The following SLC22A9 variants were observed in gnomAD, a reference collection of about 807,000 sequenced individuals.
SLC22A9 encodes the protein organic anion transporter 7.
In SLC22A9, 64 loss-of-function variants were observed where a neutral mutation model predicts 50.1. That is an observed-to-expected ratio of 1.28 (90% CI 1.04 to 1.57). SLC22A9 has a LOEUF of 1.57. Among genes scored for constraint, SLC22A9 ranks in the 40% most tolerant of loss-of-function variants. The pLI is 0.00. For missense variants in SLC22A9, 757 were observed against 676.1 expected (o/e 1.12, Z -1.33); for synonymous variants, 261 against 242.5 (o/e 1.08, Z -0.71).
intron 6 of SLC22A9, among the ~76,000 whole-genome samples, chr11:63,406,193 T>A (rs528486323): frequency 6.6e-6 from 1 of 152,320 alleles, no homozygotes; most frequent in Non-Finnish European, 1.5e-5. Flanking sequence ...AAAGATACCT[T>A]TGAAAAGTCT....
chr11:63,388,757 T>A (rs2014712016), intron 6 of SLC22A9, among the ~76,000 whole-genome samples: 1 of 152,074 alleles, frequency 6.6e-6, no homozygotes, highest in African/African-American at 2.4e-5. Flanking sequence ...ATGGCATTAG[T>A]TCTTCCTTAA....
intron 1 of SLC22A9, 111 bp downstream of exon 1, chr11:63,370,569 C>G: frequency 8.0e-7 from 1 of 1,256,372 alleles, no homozygotes. Flanking sequence ...AGTCTTCATT[C>G]TTTCAGCAAA....
chr11:63,379,904 G>A (rs151294667), intron 5 of SLC22A9, among the ~76,000 whole-genome samples: 257 of 152,154 alleles, frequency 1.7e-3, no homozygotes, highest in Non-Finnish European at 3.3e-3. Context: ...ACTAATTTTT[G>A]TATTTTTAGT....
chr11:63,378,468 C>A (rs1048288345), intron 5 of SLC22A9, among the ~76,000 whole-genome samples: 1 of 152,010 alleles, frequency 6.6e-6, no homozygotes, highest in Non-Finnish European at 1.5e-5. Flanking sequence ...CCAGGCAAGA[C>A]AAGGATGTCC....
chr11:63,408,574 G>A (rs2015080319), intron 8 of SLC22A9, 102 bp from the exon 9 acceptor site: 1 of 1,038,472 alleles, frequency 9.6e-7, no homozygotes, highest in Non-Finnish European at 1.4e-6. Context: ...CATCACCTCT[G>A]TGTGTCTAAA....
intron 5 of SLC22A9, among the ~76,000 whole-genome samples, chr11:63,379,724 TTTTTG>T (rs770506150): frequency 2.4e-4 from 36 of 152,154 alleles, no homozygotes; most frequent in Middle Eastern, 3.4e-3. Context: ...CAAACAGTTG[TTTTTG>T]TTTTGTTTTG....
chr11:63,373,772 G>C lies in SLC22A9; in HGVS notation c.635G>C (p.Ser212Thr), dbSNP rs1404170078. 1 of 1,612,026 alleles carries C rather than the reference G, an allele frequency of 6.2e-7. No homozygotes were observed. Among genetic ancestry groups the C allele is most frequent in the Non-Finnish European group, 8.5e-7 (1 of 1,179,102 alleles). The change falls in exon 3 of 10, where the codon AGC (serine) becomes ACC (threonine). Residue 212 changes from serine to threonine, a missense_variant. By Grantham distance (58) the Ser-to-Thr change is moderately conservative (BLOSUM62 1). Coordinates refer to ENST00000279178, the MANE Select transcript of SLC22A9 (RefSeq NM_080866.3). ...LRFLSGIAAM[S>T]LITNTIMLIA... is the part of the protein sequence containing the mutation. ...TTCTTGTCTGGGATTGCTGCAATGAGCCTCATAACAAATACTATTATGTTA... is the reference window on the plus strand; with the variant it reads ...TTCTTGTCTGGGATTGCTGCAATGACCCTCATAACAAATACTATTATGTTA...
intron 6 of SLC22A9, among the ~76,000 whole-genome samples, chr11:63,399,310 C>T (rs1338084266): frequency 1.3e-5 from 2 of 152,100 alleles, no homozygotes; most frequent in Non-Finnish European, 2.9e-5. Context: ...AAGTAATGTA[C>T]TTCACCTGTA....
At chr11:63,378,727 C>T (rs550991741) in intron 5 of SLC22A9, among the ~76,000 whole-genome samples, 3 of 152,150 alleles carry the variant, frequency 2.0e-5, no homozygotes, top group South Asian at 2.1e-4. Flanking sequence ...ACGCTGACAT[C>T]GTTAAAGCTG....
At chr11:63,406,009 A>G (rs2015029947) in intron 6 of SLC22A9, among the ~76,000 whole-genome samples, 1 of 152,198 alleles carries the variant, frequency 6.6e-6, no homozygotes, top group Admixed American at 6.5e-5. Flanking sequence ...CACTTACTTT[A>G]GCTTTGAGAG....
chr11:63,370,842 G>A (rs950622369), intron 1 of SLC22A9, among the ~76,000 whole-genome samples: 31 of 152,202 alleles, frequency 2.0e-4, no homozygotes, highest in East Asian at 1.5e-3. Context: ...GGTCTAAGAG[G>A]GAAATTTAGG....
Position 63,407,973 on chromosome 11 carries a change from T to G in SLC22A9, c.1289-139T>G, listed in dbSNP as rs371856368. 1,966 of 602,712 alleles carry G rather than the reference T, an allele frequency of 3.3e-3. 59 individuals carry two copies. In the South Asian group the frequency reaches 0.042, roughly 13 times the overall value. 37.3% of individuals were successfully genotyped at this position (602,712 alleles called of 1,614,324 possible). ...TTCTCAGCTATCAGCCACTGCACAT[T>G]CTTTGCCTCTATGCAGTTTCCCTAC... On this transcript the variant is annotated intron_variant, in intron 7 of 9. Coordinates refer to ENST00000279178, the MANE Select transcript of SLC22A9 (RefSeq NM_080866.3).
chr11:63,373,298 T>TGGG (rs2014397913), intron 2 of SLC22A9, among the ~76,000 whole-genome samples: 1 of 152,098 alleles, frequency 6.6e-6, no homozygotes, highest in Non-Finnish European at 1.5e-5. Context: ...TCTACTATGC[T>TGGG]AAAGTACATG....
intron 6 of SLC22A9, among the ~76,000 whole-genome samples, chr11:63,384,049 GAAAA>G (rs58436264): frequency 2.8e-3 from 378 of 132,898 alleles, no homozygotes; most frequent in Admixed American, 6.3e-3. Flanking sequence ...CTCCATCTAA[GAAAA>G]AAAAAAAAAA....
rs1218759682 is a variant in SLC22A9 at position 63,375,631 on chromosome 11, T to C, written c.831-14T>C. The C allele has an allele frequency of 6.2e-7, 1 of 1,610,280 alleles. No individual in the cohort carries two copies. Among genetic ancestry groups the C allele is most frequent in the Non-Finnish European group, 8.5e-7 (1 of 1,178,012 alleles). ...GTGAAAGTCGACTGCCCCTCTGTTC[T>C]CTTCCTTGGTCAGTTGGCTGCTAGA... On this transcript the variant is annotated splice_polypyrimidine_tract_variant and intron_variant, in intron 4 of 9. Coordinates refer to ENST00000279178, the MANE Select transcript of SLC22A9 (RefSeq NM_080866.3).
chr11:63,409,776 T>C (rs780043457), intron 9 of SLC22A9, 26 bp from the exon 10 acceptor site: 2 of 1,611,062 alleles, frequency 1.2e-6, no homozygotes, highest in South Asian at 1.1e-5. Context: ...TGTGATTTTT[T>C]GTTGGTTTCT....
intron 4 of SLC22A9, among the ~76,000 whole-genome samples, chr11:63,375,440 A>T (rs754944587): frequency 6.6e-6 from 1 of 152,176 alleles, no homozygotes; most frequent in Non-Finnish European, 1.5e-5. Context: ...CCAAGTCTGC[A>T]TTCCCAACAG....
intron 6 of SLC22A9, among the ~76,000 whole-genome samples, chr11:63,392,286 T>A (rs912043456): frequency 6.6e-6 from 1 of 152,132 alleles, no homozygotes; most frequent in Admixed American, 6.6e-5. Flanking sequence ...TGTGTTTTTC[T>A]GTGTACTTAC....
Position 63,406,708 on chromosome 11 carries a change from C to G in SLC22A9, c.1285C>G (p.Gln429Glu). 6.2e-7 allele frequency: 1 copy of G among 1,613,238 alleles called. No homozygotes were observed. Among genetic ancestry groups the G allele is most frequent in the South Asian group, 1.1e-5 (1 of 91,022 alleles). ...ICLLAIIFVP[Q>E]EMQTLREVLA... is the part of the protein sequence containing the mutation. Reference sequence around the variant, plus strand: ...CCTTCTGGCCATCATATTTGTGCCACAAGGTGAGAAAAGATCACAGGTGGA... The same window carrying G: ...CCTTCTGGCCATCATATTTGTGCCAGAAGGTGAGAAAAGATCACAGGTGGA... The change falls in exon 7 of 10, where the codon CAA becomes GAA. Residue 429 changes from glutamine to glutamate, a missense_variant. Transcript: ENST00000279178.
Sources: allele counts gnomAD v4.1 joint callset (sites outside exome capture counted in the v4.1 genomes callset), GRCh38; gene constraint gnomAD v4.1.1; transcripts MANE v1.5; gene names NCBI Gene and HGNC (gene_info 2026-07-23, HGNC 2026-07-21).